PRRT3: variants seen among roughly 807,000 people sequenced by gnomAD.
PRRT3 encodes proline rich transmembrane protein 3.
In PRRT3, 48 loss-of-function variants were observed where a neutral mutation model predicts 56.6. The ratio of observed to expected loss-of-function variants is 0.85; its 90% CI spans 0.67 to 1.08. The LOEUF is 1.08. PRRT3 is among the 50% of genes least tolerant of loss of function. The probability of loss-of-function intolerance (pLI) is 0.00; values close to 1 mark genes in which losing one functional copy is unlikely to be tolerated. For missense variants in PRRT3, 1,370 were observed against 1,353.1 expected (o/e 1.01, Z -0.20); for synonymous variants, 641 against 619.1 (o/e 1.04, Z -0.52).
Position 9,947,659 on chromosome 3 carries a change from A to G in PRRT3, c.1514T>C (p.Val505Ala). ...AAPAGPRLAL[V>A]AAVLVLVASA... ...AGCCACGAGCACCAGCACCGCGGCC[A>G]CCAATGCCAGCCGGGGCCCTGCTGG... The change falls in exon 4 of 4, where the codon GTG (valine) becomes GCG (alanine). Residue 505 changes from valine to alanine, a missense_variant. Coordinates refer to ENST00000412055, the MANE Select transcript of PRRT3 (RefSeq NM_207351.5). This position sits in a 1 kb window ranked among gnomAD's most constrained non-coding sequence, Gnocchi z 9.2. The G allele has an allele frequency of 3.8e-6, 6 of 1,570,146 alleles. No individual in the cohort carries two copies. The highest frequency in any genetic ancestry group is 5.2e-6 in the Non-Finnish European group (6 of 1,160,104).
At chr3:9,951,170 G>C (rs2085614913) in intron 1 of PRRT3, among the ~76,000 whole-genome samples, 2 of 152,074 alleles carry the variant, frequency 1.3e-5, no homozygotes, top group Admixed American at 1.3e-4. Flanking sequence ...GTATATACCT[G>C]GCCCCACGTG....
chr3:9,946,814 C>T lies in PRRT3; in HGVS notation c.2359G>A (p.Gly787Arg). 6.5e-7 allele frequency: 1 copy of T among 1,546,134 alleles called. No individual in the cohort carries two copies. Among genetic ancestry groups the T allele is most frequent in the Non-Finnish European group, 8.7e-7 (1 of 1,152,824 alleles). Residue 787 changes from glycine (G) to arginine (R), a missense_variant, in exon 4 of 4, where the codon GGA becomes AGA. By Grantham distance (125) the Gly-to-Arg change is moderately radical. Transcript: ENST00000412055. This position sits in a 1 kb window ranked among gnomAD's most constrained non-coding sequence, Gnocchi z 4.1. ...SLGRGPQGGP[G>R]LSRNGVGPAP... ...GGTCCCACACCGTTGCGGGACAGTC[C>T]CGGGCCACCCTGGGGTCCGCGACCC...
In PRRT3 at chr3:9,946,511, C is replaced by A; in HGVS notation, c.2662G>T (p.Val888Leu). The A allele has an allele frequency of 6.6e-7, 1 of 1,523,174 alleles. No individual in the cohort carries two copies. The highest frequency in any genetic ancestry group is 8.8e-7 in the Non-Finnish European group (1 of 1,134,364). 94.4% of individuals were successfully genotyped at this position (1,523,174 alleles called of 1,614,324 possible). ...VRVRGPVPQH[V>L]VEAPDGAAAA... is the part of the protein sequence containing the mutation. The stretch of plus-strand genomic sequence containing the variant: ...GCTGCCCCGTCGGGTGCTTCCACTA[C>A]GTGCTGTGGGACCGGCCCGCGCACG... The change falls in exon 4 of 4, where the codon GTA (valine) becomes TTA (leucine). Residue 888 changes from valine to leucine, a missense_variant. Transcript: ENST00000412055. The surrounding 1 kb of genome is among the most constrained non-coding windows in gnomAD (Gnocchi z 4.1).
Position 9,948,885 on chromosome 3 carries a change from G to A in PRRT3, c.1044C>T (p.Pro348=), listed in dbSNP as rs778910856. The change falls in exon 3 of 4, where the codon CCC becomes CCT. Residue 348 remains proline (P), a synonymous_variant. Transcript: ENST00000412055. ...CTCCTCTCACCCGCTGGGGGGAGAT[G>A]GGGTCTGCTCCATTCATTGCTGCTC... The part of the protein sequence containing the change: ...PERAAMNGAD[P]ISPQRVRGAV... 5 of 1,603,846 alleles carry A rather than the reference G, an allele frequency of 3.1e-6. No homozygotes were observed. The South Asian group carries it at 5.5e-5, about 18-fold the overall frequency.
chr3:9,947,742 C>T lies in PRRT3; in HGVS notation c.1431G>A (p.Gly477=), dbSNP rs1358584060. 6.5e-7 allele frequency: 1 copy of T among 1,535,610 alleles called. No homozygotes were observed. The highest frequency in any genetic ancestry group is 2.2e-5 in the Admixed American group (1 of 45,714). ...CGGGCAGCAGAAAGAGTACCCCCAC[C>T]CCGTAGACGTGCAGCTCCCAGGAGA... ...LSFSWELHVY[G]VGVLFLLPAL... The change falls in exon 4 of 4, where the codon GGG becomes GGA. Residue 477 remains glycine, a synonymous_variant. Coordinates refer to ENST00000412055, the MANE Select transcript of PRRT3 (RefSeq NM_207351.5). This position sits in a 1 kb window ranked among gnomAD's most constrained non-coding sequence, Gnocchi z 9.2.
chr3:9,948,039 G>A, intron 3 of PRRT3, 38 bp from the exon 4 acceptor site: 1 of 1,290,644 alleles, frequency 7.7e-7, no homozygotes, highest in Non-Finnish European at 9.8e-7. Context: ...CATTTGAAAA[G>A]TGCTTTTGAT....
chr3:9,950,797 C>A (rs905532378), intron 1 of PRRT3, among the ~76,000 whole-genome samples: 1 of 152,186 alleles, frequency 6.6e-6, no homozygotes, highest in Non-Finnish European at 1.5e-5. Flanking sequence ...GCCACTGCAC[C>A]CTGCCTGAAA....
At chr3:9,952,118 C>T (rs2085628945) in intron 1 of PRRT3, among the ~76,000 whole-genome samples, 1 of 152,134 alleles carries the variant, frequency 6.6e-6, no homozygotes, top group African/African-American at 2.4e-5. Context: ...GGGGCAGCCT[C>T]GGAGCTGGTC....
chr3:9,949,941 C>A lies in PRRT3; in HGVS notation c.175G>T (p.Asp59Tyr). Reference sequence around the variant, plus strand: ...GCTCTGGGGTTCTCCGGGAACACGTCAAAGGCCTGGGGCTCTGAGCCCACA... The same window carrying A: ...GCTCTGGGGTTCTCCGGGAACACGTAAAAGGCCTGGGGCTCTGAGCCCACA... Reference protein sequence around the residue: ...GSVGSEPQAFDVFPENPRADS... With the variant: ...GSVGSEPQAFYVFPENPRADS... Residue 59 changes from aspartate to tyrosine, a missense_variant, in exon 2 of 4, where the codon GAC (aspartate) becomes TAC (tyrosine). Asp to Tyr is a radical substitution (Grantham distance 160). Coordinates refer to ENST00000412055, the MANE Select transcript of PRRT3 (RefSeq NM_207351.5). The surrounding 1 kb of genome is among the most constrained non-coding windows in gnomAD (Gnocchi z 4.5). 1 of 1,603,648 alleles carries A rather than the reference C, an allele frequency of 6.2e-7. No homozygotes were observed.
Position 9,949,076 on chromosome 3 carries a change from G to A in PRRT3, c.1015+25C>T, listed in dbSNP as rs1247481232. On this transcript the variant is annotated intron_variant, in intron 2 of 3. Coordinates refer to ENST00000412055, the MANE Select transcript of PRRT3 (RefSeq NM_207351.5). The surrounding 1 kb of genome is among the most constrained non-coding windows in gnomAD (Gnocchi z 4.5). ...AGGCATCCAGCTGCCCCAGAACATCGCTCAGCACACTCATTGATACCCACC... is the reference window on the plus strand; with the variant it reads ...AGGCATCCAGCTGCCCCAGAACATCACTCAGCACACTCATTGATACCCACC... The A allele has an allele frequency of 5.1e-6, 8 of 1,567,774 alleles. No individual in the cohort carries two copies. The highest frequency in any genetic ancestry group is 2.2e-5 in the East Asian group (1 of 44,682).
chr3:9,946,706 C>G lies in PRRT3; in HGVS notation c.2467G>C (p.Glu823Gln). 6.8e-7 allele frequency: 1 copy of G among 1,473,814 alleles called. No individual in the cohort carries two copies. Among genetic ancestry groups the G allele is most frequent in the Non-Finnish European group, 8.9e-7 (1 of 1,120,728 alleles). The allele number at this position is 1,473,814 out of a possible 1,614,324, so 91.3% of individuals were successfully genotyped here. A position where few individuals can be genotyped will look rare whatever the true frequency, so the allele number is the denominator to read the frequency against. Residue 823 changes from glutamate to glutamine, a missense_variant, in exon 4 of 4, where the codon GAG (glutamate) becomes CAG (glutamine). By Grantham distance (29) the Glu-to-Gln change is conservative. Transcript: ENST00000412055. This position sits in a 1 kb window ranked among gnomAD's most constrained non-coding sequence, Gnocchi z 4.1. Reference sequence around the variant, plus strand: ...AACACACTGTCTCGCACTAGGTGCTCGCGGAAGAGCGCGGCGTCGATGCTG... The same window carrying G: ...AACACACTGTCTCGCACTAGGTGCTGGCGGAAGAGCGCGGCGTCGATGCTG... ...SRSIDAALFR[E>Q]HLVRDSVFQR...
At chr3:9,948,181 G>GT in intron 3 of PRRT3, 180 bp from the exon 4 acceptor site, 3 of 530,128 alleles carry the variant, frequency 5.7e-6, no homozygotes, top group Non-Finnish European at 8.7e-6. Context: ...CCAACACCCA[G>GT]TAAGTGCTAA....
Position 9,949,361 on chromosome 3 carries a change from A to G in PRRT3, c.755T>C (p.Val252Ala). ...FTQQDPAAPDVGSVPPVEVVY... is the reference protein window; with the variant it reads ...FTQQDPAAPDAGSVPPVEVVY... ...CACCTCAACTGGGGGTACTGAGCCAACATCAGGGGCTGCTGGATCCTGCTG... is the reference window on the plus strand; with the variant it reads ...CACCTCAACTGGGGGTACTGAGCCAGCATCAGGGGCTGCTGGATCCTGCTG... Residue 252 changes from valine (V) to alanine (A), a missense_variant, in exon 2 of 4, where the codon GTT becomes GCT. Coordinates refer to ENST00000412055, the MANE Select transcript of PRRT3 (RefSeq NM_207351.5). This position sits in a 1 kb window ranked among gnomAD's most constrained non-coding sequence, Gnocchi z 4.5. The G allele has an allele frequency of 6.2e-7, 1 of 1,614,170 alleles. No individual in the cohort carries two copies. Among genetic ancestry groups the G allele is most frequent in the South Asian group, 1.1e-5 (1 of 91,090 alleles).
rs139781387 is a variant in PRRT3, at chr3:9,948,505, T to A, written c.1171+253A>T. The stretch of plus-strand genomic sequence containing the variant: ...CCACGCCCAACTAATTTTTATATAT[T>A]TTTTTTGTTCTAAACATATCCATGT... On this transcript the variant is annotated intron_variant, in intron 3 of 3. Coordinates refer to ENST00000412055, the MANE Select transcript of PRRT3 (RefSeq NM_207351.5). The A allele has an allele frequency of 7.4e-4, 379 of 511,866 alleles. 1 individual carries two copies. The East Asian group carries it at 0.01, about 14-fold the overall frequency. The allele number at this position is 511,866 out of a possible 1,614,324, so 31.7% of individuals were successfully genotyped here. A position where few individuals can be genotyped will look rare whatever the true frequency, so the allele number is the denominator to read the frequency against.
rs76098202 is a variant in PRRT3, at chr3:9,949,741, G to A, written c.375C>T (p.His125=). 8.2e-3 allele frequency: 13,306 copies of A among 1,614,166 alleles called. 92 individuals carry two copies. Among genetic ancestry groups the A allele is most frequent in the Middle Eastern group, 0.032 (192 of 6,062 alleles). Reference sequence around the variant, plus strand: ...GTGAGTCCAGAGGTCCTGTCCAGCCGTGGGAGCTTGGTCCTTGAGCCATCT... The same window carrying A: ...GTGAGTCCAGAGGTCCTGTCCAGCCATGGGAGCTTGGTCCTTGAGCCATCT... ...DLQMAQGPSS[H]GWTGPLDSQE... is the part of the protein sequence containing the mutation. The change falls in exon 2 of 4, where the codon CAC becomes CAT. Residue 125 remains histidine, a synonymous_variant. Transcript: ENST00000412055. This position sits in a 1 kb window ranked among gnomAD's most constrained non-coding sequence, Gnocchi z 4.5.
In PRRT3 at chr3:9,946,580, A is replaced by G. The variant is rs2085526254; in HGVS notation, c.2593T>C (p.Ser865Pro). 7.1e-7 allele frequency: 1 copy of G among 1,406,322 alleles called. No homozygotes were observed. 87.1% of individuals were successfully genotyped at this position (1,406,322 alleles called of 1,614,324 possible). A position where few individuals can be genotyped will look rare whatever the true frequency, so the allele number is the denominator to read the frequency against. Residue 865 changes from serine (S) to proline (P), a missense_variant, in exon 4 of 4, where the codon TCC (serine) becomes CCC (proline). Coordinates refer to ENST00000412055, the MANE Select transcript of PRRT3 (RefSeq NM_207351.5). The surrounding 1 kb of genome is among the most constrained non-coding windows in gnomAD (Gnocchi z 4.1). ...HPKAELDDAG[S>P]SLLRGRCRSL... ...CTGCAGCGGCCGCGGAGGAGCGAGG[A>G]GCCAGCGTCGTCGAGCTCGGCTTTG...
chr3:9,951,850 G>A (rs113428054), intron 1 of PRRT3, among the ~76,000 whole-genome samples: 1 of 152,352 alleles, frequency 6.6e-6, no homozygotes, highest in African/African-American at 2.4e-5. Flanking sequence ...CACAATCGGG[G>A]TTGTGAAACC....
At position 9,950,046 on chromosome 3, in the gene PRRT3, G is replaced by A. The variant is rs548158697; in HGVS notation, c.70C>T (p.Pro24Ser). 4.6e-6 allele frequency: 7 copies of A among 1,518,002 alleles called. No individual in the cohort carries two copies. In the Admixed American group the frequency reaches 9.1e-5, roughly 20 times the overall value. The allele number at this position is 1,518,002 out of a possible 1,614,324, so 94.0% of individuals were successfully genotyped here. The change falls in exon 2 of 4, where the codon CCT (proline) becomes TCT (serine). Residue 24 changes from proline (P) to serine (S), a missense_variant. Physicochemically the swap from Pro to Ser is moderately conservative, Grantham distance 74. Coordinates refer to ENST00000412055, the MANE Select transcript of PRRT3 (RefSeq NM_207351.5). The stretch of plus-strand genomic sequence containing the variant: ...CTGGGAAAGCCCCTCCCCAGGGCAG[G>A]GCCAGTCCCCAGGAGTGGCAGCAGC... ...LLLLPLLGTG[P>S]ALGRGFPRPL... is the part of the protein sequence containing the mutation.
In PRRT3 at chr3:9,949,939, G is replaced by A. The variant is rs752511202; in HGVS notation, c.177C>T (p.Asp59=). 2.5e-6 allele frequency: 4 copies of A among 1,604,388 alleles called. No individual in the cohort carries two copies. Among genetic ancestry groups the A allele is most frequent in the Admixed American group, 1.7e-5 (1 of 58,322 alleles). ...GSVGSEPQAF[D]VFPENPRADS... is the part of the protein sequence containing the mutation. ...CAGCTCTGGGGTTCTCCGGGAACAC[G>A]TCAAAGGCCTGGGGCTCTGAGCCCA... Residue 59 remains aspartate (D), a synonymous_variant, in exon 2 of 4, where the codon GAC becomes GAT. Transcript: ENST00000412055. This position sits in a 1 kb window ranked among gnomAD's most constrained non-coding sequence, Gnocchi z 4.5.
Sources: allele counts gnomAD v4.1 joint callset (sites outside exome capture counted in the v4.1 genomes callset), GRCh38; gene constraint gnomAD v4.1.1; non-coding constraint Gnocchi (gnomAD v3.1); transcripts MANE v1.5; gene names NCBI Gene and HGNC (gene_info 2026-07-23, HGNC 2026-07-21).